PDGFRL: variants seen among roughly 807,000 people sequenced by gnomAD.
PDGFRL encodes platelet-derived growth factor receptor-like protein.
PDGFRL carries 46 observed loss-of-function variants against 37.2 expected under a neutral mutation model. The observed-to-expected ratio is 1.24, with a 90% CI of 0.98 to 1.58. The LOEUF (loss-of-function observed/expected upper bound fraction) is 1.58, where lower values mean the gene tolerates loss of function less well. Ranked by LOEUF, PDGFRL falls within the 40% of genes most tolerant of loss-of-function variation. The pLI is 0.00. For missense variants in PDGFRL, 692 were observed against 467.6 expected (o/e 1.48, Z -4.43); for synonymous variants, 251 against 184.3 (o/e 1.36, Z -2.93).
chr8:17,610,819 G>C, intron 2 of PDGFRL, among the ~76,000 whole-genome samples: 1 of 152,154 alleles, frequency 6.6e-6, no homozygotes, highest in East Asian at 1.9e-4. Flanking sequence ...GCTGAGGCGG[G>C]AGATTCCCTT....
At chr8:17,598,772 T>C (rs1804104831) in intron 2 of PDGFRL, among the ~76,000 whole-genome samples, 2 of 152,160 alleles carry the variant, frequency 1.3e-5, no homozygotes, top group African/African-American at 4.8e-5. Flanking sequence ...TGGGAGATAA[T>C]TGAATCATAA....
chr8:17,638,149 T>C (rs1805011363), intron 5 of PDGFRL, among the ~76,000 whole-genome samples: 1 of 152,310 alleles, frequency 6.6e-6, no homozygotes, highest in African/African-American at 2.4e-5. Flanking sequence ...TGTCTATTTG[T>C]GCTCTTTCAG....
chr8:17,633,477 G>A (rs1804902898), intron 4 of PDGFRL, among the ~76,000 whole-genome samples: 1 of 152,122 alleles, frequency 6.6e-6, no homozygotes, highest in African/African-American at 2.4e-5. Flanking sequence ...GCAGTGAGCC[G>A]AGATCGCGCA....
intron 2 of PDGFRL, among the ~76,000 whole-genome samples, chr8:17,592,765 G>A (rs192636696): frequency 6.6e-6 from 1 of 152,146 alleles, no homozygotes; most frequent in Admixed American, 6.6e-5. Flanking sequence ...CCTCTTCCCA[G>A]CTCTCTTCAC....
chr8:17,621,139 T>A lies in PDGFRL; in HGVS notation c.442T>A (p.Cys148Ser). The change falls in exon 3 of 6, where the codon TGC (cysteine) becomes AGC (serine). Residue 148 changes from cysteine to serine, a missense_variant. Transcript: ENST00000251630. ...TGAATTCAGCTGCTGGGTGCAGCTC[T>A]GCAGCGGCTACATCTGCAGGAAGGA... is the stretch of plus-strand genomic sequence containing the variant. ...TGEFSCWVQL[C>S]SGYICRKDEA... The A allele has an allele frequency of 6.2e-7, 1 of 1,611,520 alleles. No individual in the cohort carries two copies. Among genetic ancestry groups the A allele is most frequent in the Non-Finnish European group, 8.5e-7 (1 of 1,177,894 alleles).
At chr8:17,577,493 C>G (rs894839429) in intron 1 of PDGFRL, among the ~76,000 whole-genome samples, 186 bp downstream of exon 1, 1 of 152,022 alleles carries the variant, frequency 6.6e-6, no homozygotes, top group African/African-American at 2.4e-5. Context: ...CCACTCTTTG[C>G]CTGCCCGGAG....
intron 2 of PDGFRL, among the ~76,000 whole-genome samples, chr8:17,591,482 T>C (rs533216717): frequency 2.6e-5 from 4 of 152,306 alleles, no homozygotes; most frequent in Admixed American, 1.3e-4. Flanking sequence ...AGTTTCCTTA[T>C]GTGTAGAATG....
At chr8:17,639,513 T>C (rs1373047436) in intron 5 of PDGFRL, among the ~76,000 whole-genome samples, 2 of 152,184 alleles carry the variant, frequency 1.3e-5, no homozygotes, top group African/African-American at 4.8e-5. Context: ...TGAAAAAGAC[T>C]GTATCTCTCC....
intron 3 of PDGFRL, among the ~76,000 whole-genome samples, chr8:17,624,615 G>A (rs1804696793): frequency 6.6e-6 from 1 of 152,130 alleles, no homozygotes; most frequent in Admixed American, 6.6e-5. Flanking sequence ...ACATTAATAA[G>A]TACTTTCCTG....
chr8:17,589,466 A>C lies in PDGFRL; in HGVS notation c.56-2A>C, dbSNP rs777954889. On this transcript the variant is annotated splice_acceptor_variant, in intron 1 of 5. Transcript: ENST00000251630. LOFTEE classifies it high-confidence loss of function. ...GCATTTCTCTCTCCTTACGTTTTGCAGTTACTGGCCAACACCTTCCCAAGA... is the reference window on the plus strand; with the variant it reads ...GCATTTCTCTCTCCTTACGTTTTGCCGTTACTGGCCAACACCTTCCCAAGA... 6 of 1,608,258 alleles carry C rather than the reference A, an allele frequency of 3.7e-6. No individual in the cohort carries two copies. The highest frequency in any genetic ancestry group is 4.3e-6 in the Non-Finnish European group (5 of 1,176,308).
At chr8:17,632,891 T>C (rs1275048583) in intron 4 of PDGFRL, among the ~76,000 whole-genome samples, 1 of 152,180 alleles carries the variant, frequency 6.6e-6, no homozygotes, top group African/African-American at 2.4e-5. Context: ...AAGCTCGGCC[T>C]TGAGATTTTA....
chr8:17,581,090 G>A (rs9792285), intron 1 of PDGFRL, among the ~76,000 whole-genome samples: 40,880 of 151,874 alleles, frequency 0.27, 5,728 homozygotes, highest in Middle Eastern at 0.39. Flanking sequence ...ACAGATACCT[G>A]GGAGTTAGGA....
At chr8:17,587,721 G>C (rs1453407609) in intron 1 of PDGFRL, among the ~76,000 whole-genome samples, 1 of 151,380 alleles carries the variant, frequency 6.6e-6, no homozygotes, top group Non-Finnish European at 1.5e-5. Flanking sequence ...TCCGCCTCCC[G>C]GGTTCAAGCA....
At chr8:17,582,648 G>T (rs1310107694) in intron 1 of PDGFRL, among the ~76,000 whole-genome samples, 1 of 151,484 alleles carries the variant, frequency 6.6e-6, no homozygotes, top group African/African-American at 2.4e-5. Flanking sequence ...CCTAAAGGTA[G>T]AATTTATTAT....
intron 1 of PDGFRL, among the ~76,000 whole-genome samples, chr8:17,580,224 G>A (rs139914480): frequency 6.6e-6 from 1 of 152,198 alleles, no homozygotes; most frequent in Admixed American, 6.5e-5. Flanking sequence ...TTGTCTGAGA[G>A]CAATATAGCC....
At position 17,589,622 on chromosome 8, in the gene PDGFRL, A is replaced by G. The variant is rs778618993; in HGVS notation, c.210A>G (p.Gln70=). ...CAAAGACGCAGTCTATCATGATGCA[A>G]GTGCTGGATAAAGGTCGCTTCCAGA... ...SAPKTQSIMM[Q]VLDKGRFQKP... is the part of the protein sequence containing the mutation. The change falls in exon 2 of 6, where the codon CAA becomes CAG. Residue 70 remains glutamine (Q), a synonymous_variant. Coordinates refer to ENST00000251630, the MANE Select transcript of PDGFRL (RefSeq NM_001372073.1). The G allele has an allele frequency of 1.2e-6, 2 of 1,614,044 alleles. No individual in the cohort carries two copies. The highest frequency in any genetic ancestry group is 1.7e-6 in the Non-Finnish European group (2 of 1,179,946).
At chr8:17,629,860 C>T (rs965814635) in intron 4 of PDGFRL, among the ~76,000 whole-genome samples, 11 of 152,134 alleles carry the variant, frequency 7.2e-5, no homozygotes, top group Non-Finnish European at 1.5e-4. Flanking sequence ...ACTCCCTCAG[C>T]CACAGTCCTC....
At chr8:17,582,183 A>G (rs1803721409) in intron 1 of PDGFRL, among the ~76,000 whole-genome samples, 1 of 152,152 alleles carries the variant, frequency 6.6e-6, no homozygotes, top group Non-Finnish European at 1.5e-5. Context: ...CATTGTGTCC[A>G]TGCCCTAGGG....
At chr8:17,634,362 A>G (rs7006453) in intron 5 of PDGFRL, 149 bp downstream of exon 5, 10 of 583,876 alleles carry the variant, frequency 1.7e-5, no homozygotes, top group Non-Finnish European at 2.7e-5. Flanking sequence ...GGGGCCAGGT[A>G]TTGTTTGTTT....
Sources: gnomAD v4.1 joint callset for allele counts (sites outside exome capture counted in the v4.1 genomes callset) on GRCh38, gnomAD v4.1.1 for gene constraint, MANE v1.5 for transcripts, NCBI Gene and HGNC (gene_info 2026-07-23, HGNC 2026-07-21) for gene names.